Variants in LZTS1 observed in about 807,000 individuals in gnomAD.
The protein encoded by LZTS1 is leucine zipper putative tumor suppressor 1.
In LZTS1, 31 loss-of-function variants were observed where a neutral mutation model predicts 45.8. That is an observed-to-expected ratio of 0.68 (90% confidence interval 0.51 to 0.91). The LOEUF (loss-of-function observed/expected upper bound fraction) is 0.91, where lower values mean the gene tolerates loss of function less well. Ranked by LOEUF, LZTS1 falls within the 40% of genes least tolerant of loss-of-function variation. The pLI is 0.00. For missense variants in LZTS1, 821 were observed against 788.9 expected, an observed-to-expected ratio of 1.04 and a Z score of -0.49; for synonymous variants, 359 against 357.3, an observed-to-expected ratio of 1.00 and a Z score of -0.05.
intron 1 of LZTS1, among the ~76,000 whole-genome samples, chr8:20,259,622 TC>T (rs1241553911): frequency 6.6e-6 from 1 of 152,164 alleles, no homozygotes; most frequent in African/African-American, 2.4e-5. Flanking sequence ...ACAGACACAC[TC>T]ATCTCTTTCC....
chr8:20,255,152 G>C lies in LZTS1; in HGVS notation c.30C>G (p.Gly10=). The change falls in exon 2 of 4, where the codon GGC becomes GGG. Residue 10 remains glycine, a synonymous_variant. Coordinates refer to ENST00000381569, the MANE Select transcript of LZTS1 (RefSeq NM_021020.5). The stretch of plus-strand genomic sequence containing the variant: ...GGCAGTGCTTGCTGTGGAAGCTGTG[G>C]CCGGAGATGAGGCTACTGACGCTGC... MGSVSSLIS[G]HSFHSKHCRA... is the part of the protein sequence containing the mutation. The C allele has an allele frequency of 6.2e-7, 1 of 1,613,802 alleles. No individual in the cohort carries two copies. The highest frequency in any genetic ancestry group is 1.3e-5 in the African/African-American group (1 of 75,046).
At chr8:20,272,658 C>G (rs1800496247) in intron 1 of LZTS1, among the ~76,000 whole-genome samples, 1 of 152,154 alleles carries the variant, frequency 6.6e-6, no homozygotes. Context: ...AACTTCATCT[C>G]TATAATACAG....
chr8:20,258,755 A>T (rs1316473256), intron 1 of LZTS1, among the ~76,000 whole-genome samples: 1 of 152,218 alleles, frequency 6.6e-6, no homozygotes, highest in Non-Finnish European at 1.5e-5. Flanking sequence ...TGTTATCGGT[A>T]TCTGTTACTT....
intron 3 of LZTS1, among the ~76,000 whole-genome samples, chr8:20,251,725 G>T (rs1799917349): frequency 6.6e-6 from 1 of 152,210 alleles, no homozygotes; most frequent in Non-Finnish European, 1.5e-5. Context: ...ATCCAAGCCA[G>T]CATGATACTA....
intron 1 of LZTS1, among the ~76,000 whole-genome samples, chr8:20,266,600 A>T (rs901257133): frequency 7.2e-6 from 1 of 139,574 alleles, no homozygotes; most frequent in African/African-American, 2.5e-5. Context: ...TTGGACCAAG[A>T]CAAAAAAAAA....
chr8:20,261,220 A>G (rs1477718170), intron 1 of LZTS1, among the ~76,000 whole-genome samples: 1 of 152,228 alleles, frequency 6.6e-6, no homozygotes, highest in Non-Finnish European at 1.5e-5. Flanking sequence ...GGAACCACAG[A>G]GCCTCACACT....
At position 20,285,030 on chromosome 8, in the gene LZTS1, G is replaced by A. The variant is rs915020130; in HGVS notation, c.-135+18710C>T. Among the ~76,000 whole-genome samples, 7 of 152,268 alleles carry A rather than the reference G, an allele frequency of 4.6e-5. No homozygotes were observed. In the South Asian group the frequency reaches 6.2e-4, roughly 14 times the overall value. ...AGCCCAGTTCCTTATCTCTGAAAAC[G>A]ACATAAAGAGCTCACAGGTGGTGAC... is the stretch of plus-strand genomic sequence containing the variant. On this transcript the variant is annotated intron_variant, in intron 1 of 3. Transcript: ENST00000381569.
chr8:20,263,990 G>A (rs932538877), intron 1 of LZTS1, among the ~76,000 whole-genome samples: 3 of 151,494 alleles, frequency 2.0e-5, no homozygotes, highest in African/African-American at 7.3e-5. Flanking sequence ...TCTCAGAGCT[G>A]GAGTCCCCAT....
Position 20,250,368 on chromosome 8 carries a change from C to G in LZTS1, c.1150-5G>C. The G allele has an allele frequency of 1.3e-6, 2 of 1,588,510 alleles. No homozygotes were observed. The highest frequency in any genetic ancestry group is 1.7e-6 in the Non-Finnish European group (2 of 1,166,258). On this transcript the variant is annotated splice_polypyrimidine_tract_variant and splice_region_variant and intron_variant, in intron 3 of 3. Coordinates refer to ENST00000381569, the MANE Select transcript of LZTS1 (RefSeq NM_021020.5). ...CTCGCCTGACTTCTGGCACACCTGC[C>G]GAGGGTGGGGTGGAGACAGAGTGCC...
intron 1 of LZTS1, among the ~76,000 whole-genome samples, chr8:20,284,944 G>A (rs1367720431): frequency 1.3e-5 from 2 of 152,122 alleles, no homozygotes; most frequent in Non-Finnish European, 2.9e-5. Flanking sequence ...GGCTGTGATC[G>A]AAACTGATCT....
chr8:20,291,775 A>T (rs901357531), intron 1 of LZTS1, among the ~76,000 whole-genome samples: 5 of 152,244 alleles, frequency 3.3e-5, no homozygotes, highest in Non-Finnish European at 7.3e-5. Context: ...GACTTGCCTG[A>T]TGTCACACAG....
At chr8:20,294,957 C>T (rs1384224585) in intron 1 of LZTS1, among the ~76,000 whole-genome samples, 1 of 151,866 alleles carries the variant, frequency 6.6e-6, no homozygotes, top group Non-Finnish European at 1.5e-5. Context: ...CTGTTCTTGG[C>T]ATTTTCCTAT....
At position 20,249,968 on chromosome 8, in the gene LZTS1, C is replaced by T; in HGVS notation, c.1545G>A (p.Arg515=). ...CCGAGGACATCTGGTCATGGCCTTG[C>T]CGCTCCTCCCGCAGCTCGGCCCGCA... ...ERLRAELREE[R]QGHDQMSSGF... is the part of the protein sequence containing the mutation. The change falls in exon 4 of 4, where the codon CGG becomes CGA. Residue 515 remains arginine (R), a synonymous_variant. Coordinates refer to ENST00000381569, the MANE Select transcript of LZTS1 (RefSeq NM_021020.5). The T allele has an allele frequency of 6.2e-7, 1 of 1,613,960 alleles. No individual in the cohort carries two copies.
intron 1 of LZTS1, among the ~76,000 whole-genome samples, chr8:20,288,551 A>G (rs1406747496): frequency 1.3e-5 from 2 of 152,012 alleles, no homozygotes; most frequent in African/African-American, 4.8e-5. Flanking sequence ...CACTGTTACT[A>G]CCCCAACTGA....
In LZTS1 at chr8:20,253,461, G is replaced by C. The variant is rs1326572299; in HGVS notation, c.470C>G (p.Pro157Arg). Residue 157 changes from proline (P) to arginine (R), a missense_variant, in exon 3 of 4, where the codon CCC becomes CGC. Transcript: ENST00000381569. ...GCCAGGCTTCAGCTCCTGCTCCTTG[G>C]GCTTGTCTGGAGGGGCGGGGTGCAG... Reference protein sequence around the residue: ...HQLHPAPPDKPKEQELKPGLC... With the variant: ...HQLHPAPPDKRKEQELKPGLC... 6.2e-7 allele frequency: 1 copy of C among 1,609,418 alleles called. No homozygotes were observed. Among genetic ancestry groups the C allele is most frequent in the Non-Finnish European group, 8.5e-7 (1 of 1,178,314 alleles).
chr8:20,262,031 C>T (rs900769543), intron 1 of LZTS1, among the ~76,000 whole-genome samples: 5 of 152,254 alleles, frequency 3.3e-5, no homozygotes, highest in Non-Finnish European at 5.9e-5. Context: ...CAGCACTCAG[C>T]GGTGAGCTCA....
intron 1 of LZTS1, among the ~76,000 whole-genome samples, chr8:20,282,863 T>C (rs997639772): frequency 7.2e-5 from 11 of 152,208 alleles, no homozygotes; most frequent in African/African-American, 2.2e-4. Flanking sequence ...GAGGATGTGA[T>C]AGTGCATGGG....
chr8:20,298,644 C>T (rs1801017673), intron 1 of LZTS1, among the ~76,000 whole-genome samples: 1 of 152,134 alleles, frequency 6.6e-6, no homozygotes, highest in African/African-American at 2.4e-5. Flanking sequence ...GGGAGGATCA[C>T]TTGAGGCCAG....
chr8:20,277,418 ATGC>A (rs1231728887), intron 1 of LZTS1, among the ~76,000 whole-genome samples: 1 of 152,226 alleles, frequency 6.6e-6, no homozygotes, highest in East Asian at 1.9e-4. Context: ...CTGAACAGCC[ATGC>A]TGCTGCTCTG....
Sources: allele counts gnomAD v4.1 joint callset (sites outside exome capture counted in the v4.1 genomes callset), GRCh38; gene constraint gnomAD v4.1.1; transcripts MANE v1.5; gene names NCBI Gene and HGNC (gene_info 2026-07-23, HGNC 2026-07-21).